The following CATIP variants were observed in gnomAD, a reference collection of about 807,000 sequenced individuals.
CATIP encodes ciliogenesis associated TTC17 interacting protein.
Under a neutral mutation model 42.5 loss-of-function variants are expected in CATIP, and 40 were observed. The ratio of observed to expected loss-of-function variants is 0.94; its 90% confidence interval spans 0.73 to 1.22. The LOEUF is 1.22. Ranked by LOEUF, CATIP falls within the 50% of genes most tolerant of loss-of-function variation. The probability of loss-of-function intolerance (pLI) is 0.00; values close to 1 mark genes in which losing one functional copy is unlikely to be tolerated. For missense variants in CATIP, 489 were observed against 496.0 expected (o/e 0.99, Z 0.13); for synonymous variants, 222 against 200.2 (o/e 1.11, Z -0.92).
At position 218,364,670 on chromosome 2, in the gene CATIP, G is replaced by C; in HGVS notation, c.673G>C (p.Ala225Pro). 6.2e-7 allele frequency: 1 copy of C among 1,614,072 alleles called. No homozygotes were observed. Among genetic ancestry groups the C allele is most frequent in the Non-Finnish European group, 8.5e-7 (1 of 1,179,958 alleles). ...FQTIQVDHQQ[A>P]EVFIVEQTVH... ...GACCATCCAGGTAGACCATCAGCAGGCTGAAGTCTTCATCGTGGAGCAGAC... is the reference window on the plus strand; with the variant it reads ...GACCATCCAGGTAGACCATCAGCAGCCTGAAGTCTTCATCGTGGAGCAGAC... The change falls in exon 7 of 10, where the codon GCT becomes CCT. Residue 225 changes from alanine to proline, a missense_variant. By Grantham distance (27) the Ala-to-Pro change is conservative. Transcript: ENST00000289388.
intron 7 of CATIP, chr2:218,366,335 G>T (rs1379537345): frequency 6.6e-6 from 1 of 152,524 alleles, no homozygotes; most frequent in Non-Finnish European, 1.5e-5. Flanking sequence ...ATGTTGGCCA[G>T]GCTGGTCTCA....
rs753979845 is a variant in CATIP at position 218,367,465 on chromosome 2, C to G, written c.868C>G (p.Pro290Ala). The change falls in exon 9 of 10, where the codon CCC becomes GCC. Residue 290 changes from proline (P) to alanine (A), a missense_variant. By Grantham distance (27) the Pro-to-Ala change is conservative. Transcript: ENST00000289388. The part of the protein sequence containing the change: ...IEPRPVFEKK[P>A]LVWEEDMELY... ...GCCACGCCCAGTGTTTGAGAAGAAG[C>G]CCCTGGTATGGGAGGAGGATATGGA... The G allele has an allele frequency of 6.2e-7, 1 of 1,614,192 alleles. No homozygotes were observed. The highest frequency in any genetic ancestry group is 8.5e-7 in the Non-Finnish European group (1 of 1,180,022).
At position 218,367,934 on chromosome 2, in the gene CATIP, G is replaced by T; in HGVS notation, c.1134G>T (p.Pro378=). The change falls in exon 10 of 10, where the codon CCG becomes CCT. Residue 378 remains proline (P), a synonymous_variant. Coordinates refer to ENST00000289388, the MANE Select transcript of CATIP (RefSeq NM_198559.2). The part of the protein sequence containing the change: ...HRPNPFRSLE[P]EGDARSGAA ...CCAACCCTTTCCGCTCCCTGGAGCCGGAGGGAGACGCCCGCTCGGGGGCGG... is the reference window on the plus strand; with the variant it reads ...CCAACCCTTTCCGCTCCCTGGAGCCTGAGGGAGACGCCCGCTCGGGGGCGG... 6.2e-7 allele frequency: 1 copy of T among 1,603,334 alleles called. No individual in the cohort carries two copies. Among genetic ancestry groups the T allele is most frequent in the Non-Finnish European group, 8.5e-7 (1 of 1,177,106 alleles).
chr2:218,363,384 G>A (rs1171799612), intron 6 of CATIP, among the ~76,000 whole-genome samples: 3 of 151,652 alleles, frequency 2.0e-5, no homozygotes, highest in Non-Finnish European at 4.4e-5. Context: ...TACTCAGGAC[G>A]CTGAGGCAGG....
In CATIP at chr2:218,364,784, G is replaced by A. The variant is rs1695368425; in HGVS notation, c.755+32G>A. ...TGCTGATGGTGGGCCCAGAGGGGTG[G>A]TGCTGAGCTTGTAGGTGCTCAAGGA... On this transcript the variant is annotated intron_variant, in intron 7 of 9. Transcript: ENST00000289388. The A allele has an allele frequency of 2.5e-6, 4 of 1,599,710 alleles. No homozygotes were observed. The East Asian group carries it at 9.0e-5, about 36-fold the overall frequency.
intron 6 of CATIP, 65 bp from the exon 7 acceptor site, chr2:218,364,563 G>C: frequency 6.3e-7 from 1 of 1,592,176 alleles, no homozygotes. Flanking sequence ...GCTAAGGTAA[G>C]ATGATGGGGA....
At chr2:218,361,373 CAA>C (rs879790847) in intron 5 of CATIP, among the ~76,000 whole-genome samples, 1 of 129,918 alleles carries the variant, frequency 7.7e-6, no homozygotes, top group Non-Finnish European at 1.7e-5. Context: ...GACTCCGTCT[CAA>C]AAAAAAAAAA....
intron 2 of CATIP, 123 bp from the exon 3 acceptor site, chr2:218,357,411 G>A: frequency 1.2e-6 from 1 of 833,922 alleles, no homozygotes; most frequent in South Asian, 1.7e-5. Flanking sequence ...GTGCCAGTGA[G>A]GAAGGCTGTG....
chr2:218,365,997 T>G, intron 7 of CATIP: 1 of 152,148 alleles, frequency 6.6e-6, no homozygotes, highest in East Asian at 1.9e-4. Context: ...GTATTTTTAG[T>G]AGAAACAGGC....
Position 218,357,206 on chromosome 2 carries a change from G to A in CATIP, c.118+19G>A, listed in dbSNP as rs201563014. ...TCCCTCCGTGAGCTCAGACAGTGTCGGGGTTGGGGGTGCGGGAGGGGTGCA... is the reference window on the plus strand; with the variant it reads ...TCCCTCCGTGAGCTCAGACAGTGTCAGGGTTGGGGGTGCGGGAGGGGTGCA... On this transcript the variant is annotated intron_variant, in intron 2 of 9. Transcript: ENST00000289388. 1.4e-5 allele frequency: 22 copies of A among 1,591,788 alleles called. No homozygotes were observed. In the East Asian group the frequency reaches 2.5e-4, roughly 18 times the overall value.
intron 2 of CATIP, 116 bp downstream of exon 2, chr2:218,357,303 C>T (rs1695060553): frequency 5.3e-6 from 4 of 753,396 alleles, no homozygotes; most frequent in Non-Finnish European, 8.5e-6. Context: ...CTTGATTCTC[C>T]TGGGACTCAG....
At chr2:218,365,139 G>A (rs1470923209) in intron 7 of CATIP, among the ~76,000 whole-genome samples, 1 of 152,160 alleles carries the variant, frequency 6.6e-6, no homozygotes, top group Non-Finnish European at 1.5e-5. Flanking sequence ...TCAGGGCTGG[G>A]CGTGGTGGCT....
Position 218,362,801 on chromosome 2 carries a change from A to C in CATIP, c.529A>C (p.Asn177His). The C allele has an allele frequency of 6.2e-7, 1 of 1,614,162 alleles. No homozygotes were observed. Among genetic ancestry groups the C allele is most frequent in the Non-Finnish European group, 8.5e-7 (1 of 1,180,018 alleles). ...CAAGGGCTTCATCTCAGAGGCTGCC[A>C]ACCTGGTGCTGCTCAGGGTGATGGC... The part of the protein sequence containing the change: ...SIKGFISEAA[N>H]LVLLRVMAWR... Residue 177 changes from asparagine (N) to histidine (H), a missense_variant, in exon 6 of 10, where the codon AAC becomes CAC. Physicochemically the swap from Asn to His is moderately conservative, Grantham distance 68. Transcript: ENST00000289388.
chr2:218,367,544 GGTTCCCATT>G, intron 9 of CATIP, 26 bp downstream of exon 9: 1 of 1,611,812 alleles, frequency 6.2e-7, no homozygotes, highest in Non-Finnish European at 8.5e-7. Flanking sequence ...ACCAGCCTGG[GGTTCCCATT>G]CCCCCATGGG....
chr2:218,367,053 C>T lies in CATIP; in HGVS notation c.785C>T (p.Ser262Phe), dbSNP rs1211569206. 6.2e-7 allele frequency: 1 copy of T among 1,613,652 alleles called. No individual in the cohort carries two copies. Among genetic ancestry groups the T allele is most frequent in the East Asian group, 2.2e-5 (1 of 44,884 alleles). The change falls in exon 8 of 10, where the codon TCC becomes TTC. Residue 262 changes from serine (S) to phenylalanine (F), a missense_variant. Coordinates refer to ENST00000289388, the MANE Select transcript of CATIP (RefSeq NM_198559.2). Reference sequence around the variant, plus strand: ...CTGGCCAAGAGAATACAGGTGGGCTCCCCAGGGTGCTGCATCATCACCAAG... The same window carrying T: ...CTGGCCAAGAGAATACAGGTGGGCTTCCCAGGGTGCTGCATCATCACCAAG... ...GHLAKRIQVG[S>F]PGCCIITKMP...
intron 6 of CATIP, among the ~76,000 whole-genome samples, chr2:218,363,485 CAAAAAAAAAAAACA>C (rs1366870489): frequency 2.2e-5 from 2 of 89,840 alleles, no homozygotes; most frequent in African/African-American, 4.8e-5. Context: ...GACTCTGTCT[CAAAAAAAAAAAACA>C]AAAAAAAAAA....
chr2:218,365,128 T>C (rs1030851956), intron 7 of CATIP, among the ~76,000 whole-genome samples: 1 of 152,028 alleles, frequency 6.6e-6, no homozygotes, highest in African/African-American at 2.4e-5. Flanking sequence ...CATAAGAAAA[T>C]TCAGGGCTGG....
Position 218,367,426 on chromosome 2 carries a change from C to A in CATIP, c.833-4C>A. The A allele has an allele frequency of 6.2e-7, 1 of 1,613,972 alleles. No homozygotes were observed. The highest frequency in any genetic ancestry group is 1.1e-5 in the South Asian group (1 of 91,078). On this transcript the variant is annotated splice_polypyrimidine_tract_variant and splice_region_variant and intron_variant, in intron 8 of 9. Coordinates refer to ENST00000289388, the MANE Select transcript of CATIP (RefSeq NM_198559.2). ...ACGCCCAGCCTTCCTTGTTCCCCAC[C>A]TAGATGAGATTGAGCCACGCCCAGT...
intron 7 of CATIP, 172 bp from the exon 8 acceptor site, chr2:218,366,852 G>A (rs74729688): frequency 2.5e-4 from 163 of 639,470 alleles, no homozygotes; most frequent in African/African-American, 2.3e-3. Context: ...TTCTCATAAG[G>A]GCACTAATCC....
Sources: gnomAD v4.1 joint callset for allele counts (sites outside exome capture counted in the v4.1 genomes callset) on GRCh38, gnomAD v4.1.1 for gene constraint, MANE v1.5 for transcripts, NCBI Gene and HGNC (gene_info 2026-07-23, HGNC 2026-07-21) for gene names.